USP31: variants seen among roughly 807,000 people sequenced by gnomAD.
The protein encoded by USP31 is ubiquitin specific peptidase 31.
Under a neutral mutation model 119.4 loss-of-function variants are expected in USP31, and 44 were observed. That is an observed-to-expected ratio of 0.37 (90% CI 0.29 to 0.47). The LOEUF (loss-of-function observed/expected upper bound fraction) is 0.47, where lower values mean the gene tolerates loss of function less well. Among genes scored for constraint, USP31 ranks in the 20% least tolerant of loss-of-function variants. The pLI is 0.99. For missense variants in USP31, 1,643 were observed against 1,730.2 expected, an observed-to-expected ratio of 0.95 and a Z score of 0.89; for synonymous variants, 749 against 705.6, an observed-to-expected ratio of 1.06 and a Z score of -0.97.
At chr16:23,110,598 GGAGCC>G (rs1902278115) in intron 1 of USP31, among the ~76,000 whole-genome samples, 1 of 152,160 alleles carries the variant, frequency 6.6e-6, no homozygotes, top group Non-Finnish European at 1.5e-5. Flanking sequence ...CATGGCACAG[GGAGCC>G]GTAAATGAAC....
At chr16:23,126,398 G>A (rs1163379881) in intron 1 of USP31, among the ~76,000 whole-genome samples, 2 of 151,224 alleles carry the variant, frequency 1.3e-5, no homozygotes, top group African/African-American at 2.4e-5. Context: ...GCTGAGGCGG[G>A]TGGATCACAA....
intron 1 of USP31, among the ~76,000 whole-genome samples, chr16:23,113,172 G>C (rs546642880): frequency 6.6e-6 from 1 of 152,296 alleles, no homozygotes; most frequent in Admixed American, 6.5e-5. Context: ...TCCCATTTCT[G>C]ACTTAGGTAG....
chr16:23,141,381 ATT>A (rs35803209), intron 1 of USP31, among the ~76,000 whole-genome samples: 9 of 145,556 alleles, frequency 6.2e-5, no homozygotes, highest in East Asian at 6.0e-4. Context: ...TTATACAATA[ATT>A]TTTTTTTTTT....
intron 6 of USP31, among the ~76,000 whole-genome samples, chr16:23,096,383 C>A (rs367578530): frequency 6.6e-6 from 1 of 152,040 alleles, no homozygotes; most frequent in African/African-American, 2.4e-5. Flanking sequence ...TAGACTCCCA[C>A]ACAATAATGG....
At chr16:23,088,070 G>C (rs1901190021) in intron 7 of USP31, among the ~76,000 whole-genome samples, 1 of 152,166 alleles carries the variant, frequency 6.6e-6, no homozygotes, top group Admixed American at 6.5e-5. Flanking sequence ...GGAGTATGGT[G>C]CTAGGACAGC....
rs556525827 is a variant in USP31 at position 23,118,845 on chromosome 16, T to C, written c.634-10662A>G. Reference sequence around the variant, plus strand: ...CTTAATGGCTGGGTGCAGTGGCTCATGCCTGTAATCCCAGCTACTCTACAG... The same window carrying C: ...CTTAATGGCTGGGTGCAGTGGCTCACGCCTGTAATCCCAGCTACTCTACAG... On this transcript the variant is annotated intron_variant, in intron 1 of 15. Coordinates refer to ENST00000219689, the MANE Select transcript of USP31 (RefSeq NM_020718.4). Among the ~76,000 whole-genome samples the C allele has an allele frequency of 1.8e-4, 28 of 151,984 alleles. 1 individual carries two copies. The South Asian group carries it at 5.4e-3, about 29-fold the overall frequency.
chr16:23,117,644 A>T (rs914894346), intron 1 of USP31, among the ~76,000 whole-genome samples: 7 of 152,234 alleles, frequency 4.6e-5, no homozygotes, highest in African/African-American at 7.2e-5. Flanking sequence ...GTACTTACAC[A>T]ATGGTAAAAA....
chr16:23,084,526 A>C (rs1025848984), intron 11 of USP31, among the ~76,000 whole-genome samples: 2 of 152,176 alleles, frequency 1.3e-5, no homozygotes, highest in African/African-American at 4.8e-5. Context: ...TAGTACCAAA[A>C]AGTCAAGAAT....
At chr16:23,120,641 G>A (rs1902636046) in intron 1 of USP31, among the ~76,000 whole-genome samples, 2 of 152,152 alleles carry the variant, frequency 1.3e-5, no homozygotes, top group South Asian at 4.1e-4. Context: ...TTAAACCTAG[G>A]AAGAGAAAAA....
At chr16:23,117,760 T>TTGTTGTTG (rs1555468291) in intron 1 of USP31, among the ~76,000 whole-genome samples, 16 of 145,110 alleles carry the variant, frequency 1.1e-4, no homozygotes, top group South Asian at 2.2e-4. Context: ...TCTTTTTTTT[T>TTGTTGTTG]TTGTTGTTGT....
Position 23,108,037 on chromosome 16 carries a change from C to T in USP31, c.771+9G>A, listed in dbSNP as rs764270127. ...TGGCTGACTGCCCTAGGGCAGCATGCGTCCTTACCTTCAGAGGAGGCTGGC... is the reference window on the plus strand; with the variant it reads ...TGGCTGACTGCCCTAGGGCAGCATGTGTCCTTACCTTCAGAGGAGGCTGGC... On this transcript the variant is annotated intron_variant, in intron 2 of 15. Transcript: ENST00000219689. 1.2e-5 allele frequency: 20 copies of T among 1,608,964 alleles called. No individual in the cohort carries two copies. In the Admixed American group the frequency reaches 1.5e-4, roughly 12 times the overall value.
At chr16:23,090,244 G>C (rs1311549579) in intron 7 of USP31, among the ~76,000 whole-genome samples, 3 of 152,088 alleles carry the variant, frequency 2.0e-5, no homozygotes, top group Non-Finnish European at 2.9e-5. Flanking sequence ...AAATCCGCTG[G>C]GTGTGGTGGC....
intron 13 of USP31, among the ~76,000 whole-genome samples, chr16:23,076,037 G>A (rs562618682): frequency 3.3e-5 from 5 of 152,168 alleles, no homozygotes; most frequent in Admixed American, 6.5e-5. Flanking sequence ...AGTGAGCCAC[G>A]ATCACACACT....
chr16:23,140,364 C>T (rs1903319388), intron 1 of USP31, among the ~76,000 whole-genome samples: 1 of 152,136 alleles, frequency 6.6e-6, no homozygotes, highest in Non-Finnish European at 1.5e-5. Context: ...AGTACAACCA[C>T]ATCTAGTGGG....
At chr16:23,073,662 AC>A in intron 14 of USP31, 59 bp downstream of exon 14, 1 of 1,585,176 alleles carries the variant, frequency 6.3e-7, no homozygotes, top group South Asian at 1.1e-5. Context: ...GGTCCTCTAG[AC>A]CATTCATTAC....
chr16:23,071,949 A>G, intron 15 of USP31, 96 bp downstream of exon 15: 1 of 1,495,372 alleles, frequency 6.7e-7, no homozygotes, highest in Admixed American at 2.1e-5. Context: ...TTCTCCTACC[A>G]TCTCCTTGGG....
At chr16:23,070,739 G>C (rs1438134564) in intron 15 of USP31, among the ~76,000 whole-genome samples, 3 of 151,582 alleles carry the variant, frequency 2.0e-5, no homozygotes, top group African/African-American at 7.3e-5. Flanking sequence ...CTCATAATCA[G>C]AACCACATAC....
rs1298888977 is a variant in USP31, at chr16:23,065,270, T to C, written c.*2776A>G. ...GGCCTATCATCCCTAGCAGATAATT[T>C]TTAACCCCAAAGCACATACACGCTC... On this transcript the variant is annotated 3_prime_UTR_variant, in exon 16 of 16. Transcript: ENST00000219689. 1.3e-5 allele frequency: 2 copies of C among 151,710 alleles called. No homozygotes were observed. The highest frequency in any genetic ancestry group is 3.9e-4 in the East Asian group (2 of 5,176). 9.4% of individuals were successfully genotyped at this position (151,710 alleles called of 1,614,324 possible).
In USP31 at chr16:23,084,765, G is replaced by A. The variant is rs1039053812; in HGVS notation, c.1830+95C>T. The A allele has an allele frequency of 3.4e-5, 52 of 1,529,854 alleles. 1 individual carries two copies. The South Asian group carries it at 3.8e-4, about 11-fold the overall frequency. 94.8% of individuals were successfully genotyped at this position (1,529,854 alleles called of 1,614,324 possible). A position where few individuals can be genotyped will look rare whatever the true frequency, so the allele number is the denominator to read the frequency against. ...TTACATATATGCAAAATCCTGCGGC[G>A]ACTTCTGGGGCGTGATTTGTTTCTC... On this transcript the variant is annotated intron_variant, in intron 11 of 15. Coordinates refer to ENST00000219689, the MANE Select transcript of USP31 (RefSeq NM_020718.4).
Sources: allele counts gnomAD v4.1 joint callset (sites outside exome capture counted in the v4.1 genomes callset), GRCh38; gene constraint gnomAD v4.1.1; transcripts MANE v1.5; gene names NCBI Gene and HGNC (gene_info 2026-07-23, HGNC 2026-07-21).